ZNG1B: variants seen among roughly 807,000 people sequenced by gnomAD.
ZNG1B encodes Zn regulated GTPase metalloprotein activator 1B.
the ZNG1B span, among the ~76,000 whole-genome samples, chr2:113,438,215 T>G: frequency 6.6e-6 from 1 of 152,182 alleles, no homozygotes; most frequent in African/African-American, 2.4e-5. Flanking sequence ...CGGCCCCCTC[T>G]GCGTTAGATT....
chr2:113,476,744 C>G, the ZNG1B span, among the ~76,000 whole-genome samples: 1 of 151,958 alleles, frequency 6.6e-6, no homozygotes, highest in Non-Finnish European at 1.5e-5. Flanking sequence ...ACAGACAGGA[C>G]CTTCAGCTGC....
At chr2:113,470,137 G>C in the ZNG1B span, 1 of 151,692 alleles carries the variant, frequency 6.6e-6, no homozygotes, top group African/African-American at 2.4e-5. Context: ...GACTACAGGT[G>C]CGTGCCACCA....
the ZNG1B span, among the ~76,000 whole-genome samples, chr2:113,471,466 GT>G: frequency 0.22 from 32,540 of 150,348 alleles, 3,966 homozygotes; most frequent in East Asian, 0.53. Context: ...TTTTTCTTGA[GT>G]TTTTTTTTAA....
chr2:113,445,016 G>T, the ZNG1B span: 4 of 1,610,782 alleles, frequency 2.5e-6, no homozygotes, highest in Non-Finnish European at 3.4e-6. Flanking sequence ...GGGGAAATTT[G>T]ATTACATACT....
At chr2:113,446,585 GA>G in the ZNG1B span, among the ~76,000 whole-genome samples, 2 of 151,060 alleles carry the variant, frequency 1.3e-5, no homozygotes, top group African/African-American at 4.9e-5. Flanking sequence ...AGTCTCTACT[GA>G]AAATTCAAAA....
the ZNG1B span, among the ~76,000 whole-genome samples, chr2:113,459,741 G>C: frequency 6.6e-6 from 1 of 150,676 alleles, no homozygotes; most frequent in Non-Finnish European, 1.5e-5. Flanking sequence ...CAAATAGAGA[G>C]TATTACTATA....
the ZNG1B span, among the ~76,000 whole-genome samples, chr2:113,448,633 G>A: frequency 6.6e-6 from 1 of 151,816 alleles, no homozygotes; most frequent in Admixed American, 6.6e-5. Flanking sequence ...GGCCGGGCTC[G>A]GTGGCTCATG....
chr2:113,460,434 C>G, the ZNG1B span, among the ~76,000 whole-genome samples: 33 of 151,984 alleles, frequency 2.2e-4, no homozygotes, highest in African/African-American at 7.7e-4. Context: ...AGTATGAAAT[C>G]CTAAGCCCTC....
the ZNG1B span, chr2:113,444,868 T>G: frequency 6.5e-7 from 1 of 1,543,722 alleles, no homozygotes; most frequent in Non-Finnish European, 8.8e-7. Context: ...AAGGGTACTT[T>G]TGTCTTGGGT....
chr2:113,455,965 G>A, the ZNG1B span, among the ~76,000 whole-genome samples: 3 of 151,042 alleles, frequency 2.0e-5, no homozygotes, highest in South Asian at 2.1e-4. Flanking sequence ...TGATCCACCC[G>A]CCTCGGCCTC....
the ZNG1B span, chr2:113,470,648 A>C: frequency 1.9e-5 from 5 of 261,234 alleles, no homozygotes; most frequent in East Asian, 4.6e-4. Flanking sequence ...GGGGCATAAA[A>C]GAAATACAAA....
chr2:113,464,068 A>G, the ZNG1B span, among the ~76,000 whole-genome samples: 1 of 143,930 alleles, frequency 6.9e-6, no homozygotes. Flanking sequence ...TTATATCCTT[A>G]TAGAGACCTA....
chr2:113,462,507 A>T, the ZNG1B span: 1 of 1,587,794 alleles, frequency 6.3e-7, no homozygotes, highest in East Asian at 2.2e-5. Context: ...ACGAAATGAT[A>T]AGTGTGTTAA....
chr2:113,460,987 A>C, the ZNG1B span, among the ~76,000 whole-genome samples: 1 of 149,092 alleles, frequency 6.7e-6, no homozygotes, highest in Non-Finnish European at 1.5e-5. Flanking sequence ...AACATTTAAA[A>C]ATATTTTCTT....
chr2:113,445,055 G>A, the ZNG1B span: 2 of 1,608,930 alleles, frequency 1.2e-6, no homozygotes, highest in Non-Finnish European at 1.7e-6. Context: ...GGCAGACCCA[G>A]GTAAGAAGTG....
At chr2:113,437,716 A>G in the ZNG1B span, 1 of 1,519,648 alleles carries the variant, frequency 6.6e-7, no homozygotes, top group Non-Finnish European at 8.9e-7. Context: ...TCTCGTCCAG[A>G]GCCCAGGTAA....
the ZNG1B span, among the ~76,000 whole-genome samples, chr2:113,461,024 A>ATT: frequency 7.4e-6 from 1 of 135,564 alleles, no homozygotes; most frequent in Non-Finnish European, 1.6e-5. Context: ...GGGATTGAAG[A>ATT]TTTTATATAT....
chr2:113,480,337 G>C, the ZNG1B span, among the ~76,000 whole-genome samples: 1 of 151,712 alleles, frequency 6.6e-6, no homozygotes, highest in African/African-American at 2.4e-5. Flanking sequence ...GTAGTGACAG[G>C]CTCTCGCTAC....
chr2:113,486,024 A>G, the ZNG1B span, among the ~76,000 whole-genome samples: 5 of 139,100 alleles, frequency 3.6e-5, no homozygotes, highest in East Asian at 1.2e-3. Flanking sequence ...TGGAAAAAAA[A>G]AGTCTGAAAT....
Sources: gnomAD v4.1 joint callset for allele counts (sites outside exome capture counted in the v4.1 genomes callset) on GRCh38, gnomAD v4.1.1 for gene constraint, MANE v1.5 for transcripts, NCBI Gene and HGNC (gene_info 2026-07-23, HGNC 2026-07-21) for gene names.